Variants in NFIL3 observed in about 807,000 individuals in gnomAD.
The protein encoded by NFIL3 is nuclear factor, interleukin 3 regulated.
A neutral mutation model predicts 10.0 loss-of-function variants in NFIL3; 5 were observed. The ratio of observed to expected loss-of-function variants is 0.50; its 90% CI spans 0.26 to 1.06. The LOEUF is 1.06. Among genes scored for constraint, NFIL3 ranks in the 50% least tolerant of loss-of-function variants. The probability of loss-of-function intolerance (pLI) is 0.13; values close to 1 mark genes in which losing one functional copy is unlikely to be tolerated. For missense variants in NFIL3, 436 were observed against 547.6 expected (o/e 0.80, Z 2.03); for synonymous variants, 202 against 206.5 (o/e 0.98, Z 0.19).
At chr9:91,426,994 A>G (rs1833879395), upstream of NFIL3, 2 of 152,182 alleles carry the variant, frequency 1.3e-5, no homozygotes, top group South Asian at 4.1e-4. Context: ...TGACCCACTG[A>G]AGAAGACTGT....
intron 1 of NFIL3, among the ~76,000 whole-genome samples, chr9:91,415,691 G>A (rs1334717328): frequency 3.3e-5 from 5 of 151,078 alleles, no homozygotes; most frequent in Admixed American, 6.6e-5. Flanking sequence ...GCAATGGCGC[G>A]ATCTTGGCTC....
At chr9:91,479,782 G>A in the NFIL3 span, among the ~76,000 whole-genome samples, 16 of 152,210 alleles carry the variant, frequency 1.1e-4, no homozygotes, top group African/African-American at 2.7e-4. Context: ...CCCTAGTGGC[G>A]TAGGCACCCA....
intron 1 of NFIL3, 107 bp from the exon 2 acceptor site, chr9:91,411,013 G>A: frequency 6.8e-6 from 3 of 439,292 alleles, no homozygotes; most frequent in East Asian, 6.8e-5. Flanking sequence ...AAGCACAGAT[G>A]AGGCATGGCC....
Position 91,409,383 on chromosome 9 carries a change from A to T in NFIL3, c.1352T>A (p.Ile451Lys). ...TGAAGCAGAGATTGGTTGTGTGGCT[A>T]TAAGTCTCTTGAGTGAGACAACCTC... Reference protein sequence around the residue: ...SAEVVSLKRLIATQPISASDS... With the variant: ...SAEVVSLKRLKATQPISASDS... The change falls in exon 2 of 2, where the codon ATA becomes AAA. Residue 451 changes from isoleucine (I) to lysine (K), a missense_variant. This residue lies in a region of NFIL3 where 338 missense variants were observed against 399.9 expected (regional missense o/e 0.85). Coordinates refer to ENST00000297689, the MANE Select transcript of NFIL3 (RefSeq NM_005384.3). 1 of 1,601,796 alleles carries T rather than the reference A, an allele frequency of 6.2e-7. No homozygotes were observed. Among genetic ancestry groups the T allele is most frequent in the Non-Finnish European group, 8.5e-7 (1 of 1,174,612 alleles).
the NFIL3 span, among the ~76,000 whole-genome samples, chr9:91,447,144 A>G: frequency 6.6e-6 from 1 of 152,138 alleles, no homozygotes; most frequent in African/African-American, 2.4e-5. Context: ...AACCATGTAT[A>G]GCATATATAA....
At chr9:91,458,146 A>G in the NFIL3 span, among the ~76,000 whole-genome samples, 1 of 152,054 alleles carries the variant, frequency 6.6e-6, no homozygotes, top group Non-Finnish European at 1.5e-5. Flanking sequence ...TGAATCAATA[A>G]TGCTGTCCTT....
chr9:91,471,504 C>CT, the NFIL3 span, among the ~76,000 whole-genome samples: 46 of 125,970 alleles, frequency 3.7e-4, no homozygotes, highest in Non-Finnish European at 6.2e-4. Flanking sequence ...TTTTTTTTTA[C>CT]TTTTTTTAAA....
intron 1 of NFIL3, among the ~76,000 whole-genome samples, chr9:91,417,500 T>C (rs1369051034): frequency 6.6e-6 from 1 of 152,210 alleles, no homozygotes; most frequent in Non-Finnish European, 1.5e-5. Flanking sequence ...ATTCACAGTA[T>C]CTGCGTCAAT....
the NFIL3 span, among the ~76,000 whole-genome samples, chr9:91,436,649 A>T: frequency 6.6e-6 from 1 of 152,150 alleles, no homozygotes; most frequent in Non-Finnish European, 1.5e-5. Flanking sequence ...GCTAAGGAGG[A>T]GTTAAGTATG....
At chr9:91,441,927 A>G in the NFIL3 span, among the ~76,000 whole-genome samples, 1 of 152,030 alleles carries the variant, frequency 6.6e-6, no homozygotes, top group East Asian at 1.9e-4. Context: ...TGATTCACAT[A>G]GCACCATTAT....
the NFIL3 span, among the ~76,000 whole-genome samples, chr9:91,470,418 C>CTCTTTTCTTCT: frequency 3.3e-5 from 4 of 119,666 alleles, no homozygotes; most frequent in East Asian, 2.5e-4. Flanking sequence ...TGATTCTTCT[C>CTCTTTTCTTCT]TATTAGTCTT....
upstream of NFIL3, among the ~76,000 whole-genome samples, chr9:91,424,533 G>A (rs1423109845): frequency 2.0e-5 from 3 of 152,188 alleles, no homozygotes; most frequent in Admixed American, 2.0e-4. Flanking sequence ...GGCGGAGGCA[G>A]CGATTAAAAT....
the NFIL3 span, among the ~76,000 whole-genome samples, chr9:91,432,380 T>C: frequency 6.6e-6 from 1 of 152,214 alleles, no homozygotes; most frequent in Non-Finnish European, 1.5e-5. Flanking sequence ...CTTGCAGTTC[T>C]AGAATTGTAC....
chr9:91,468,749 T>C, the NFIL3 span, among the ~76,000 whole-genome samples: 1 of 152,368 alleles, frequency 6.6e-6, no homozygotes, highest in South Asian at 2.1e-4. Flanking sequence ...CTCAGCTTTC[T>C]ACATATACCA....
chr9:91,416,959 T>C (rs1427796111), intron 1 of NFIL3, among the ~76,000 whole-genome samples: 2 of 152,184 alleles, frequency 1.3e-5, no homozygotes, highest in Non-Finnish European at 2.9e-5. Flanking sequence ...TAGACCTTTA[T>C]CTTCCCTGGT....
chr9:91,450,271 C>G, the NFIL3 span, among the ~76,000 whole-genome samples: 1 of 151,808 alleles, frequency 6.6e-6, no homozygotes, highest in Non-Finnish European at 1.5e-5. Flanking sequence ...TCTTTTTCTC[C>G]CATTTCCTCA....
At chr9:91,460,104 C>T in the NFIL3 span, among the ~76,000 whole-genome samples, 1 of 151,848 alleles carries the variant, frequency 6.6e-6, no homozygotes, top group South Asian at 2.1e-4. Context: ...CAGCCACCCC[C>T]ACCATCCACT....
At chr9:91,453,026 G>A in the NFIL3 span, among the ~76,000 whole-genome samples, 1 of 152,014 alleles carries the variant, frequency 6.6e-6, no homozygotes, top group African/African-American at 2.4e-5. Context: ...TGGGTGGCTT[G>A]TACAACAGAA....
the NFIL3 span, among the ~76,000 whole-genome samples, chr9:91,483,123 G>T: frequency 6.6e-6 from 1 of 152,186 alleles, no homozygotes; most frequent in South Asian, 2.1e-4. Flanking sequence ...CTGGTGGTGG[G>T]TTCCAAAGGC....
Sources: allele counts gnomAD v4.1 joint callset (sites outside exome capture counted in the v4.1 genomes callset), GRCh38; gene constraint gnomAD v4.1.1; regional missense constraint gnomAD v4.1.1; transcripts MANE v1.5; gene names NCBI Gene and HGNC (gene_info 2026-07-23, HGNC 2026-07-21).